The following ST3GAL3 variants were observed in gnomAD, a reference collection of about 807,000 sequenced individuals.
ST3GAL3 encodes CMP-N-acetylneuraminate-beta-1,4-galactoside alpha-2,3-sialyltransferase.
ST3GAL3 carries 21 observed loss-of-function variants against 50.1 expected under a neutral mutation model. That is an observed-to-expected ratio of 0.42 (90% CI 0.30 to 0.60). The LOEUF is 0.60. Among genes scored for constraint, ST3GAL3 ranks in the 20% least tolerant of loss-of-function variants. ST3GAL3 has a pLI of 0.19. For synonymous variants in ST3GAL3, 183 were observed against 190.0 expected, an observed-to-expected ratio of 0.96 and a Z score of 0.30; for missense variants, 353 against 489.4, an observed-to-expected ratio of 0.72 and a Z score of 2.63.
intron 4 of ST3GAL3, among the ~76,000 whole-genome samples, chr1:43,825,469 T>C (rs1251715392): frequency 6.6e-6 from 1 of 152,234 alleles, no homozygotes; most frequent in East Asian, 1.9e-4. Flanking sequence ...GAACTTCCTA[T>C]ACATTATATT....
chr1:43,824,366 A>G (rs1178619325), intron 4 of ST3GAL3, among the ~76,000 whole-genome samples: 1 of 151,330 alleles, frequency 6.6e-6, no homozygotes, highest in Non-Finnish European at 1.5e-5. Flanking sequence ...AATGCCTTAA[A>G]AAAAAAAAAA....
intron 3 of ST3GAL3, among the ~76,000 whole-genome samples, chr1:43,813,887 A>G (rs868032774): frequency 0.016 from 655 of 39,782 alleles, 8 homozygotes; most frequent in African/African-American, 0.018. Flanking sequence ...ACACACACAC[A>G]CACACACGCA....
chr1:43,863,672 G>T (rs1006035389), intron 5 of ST3GAL3, among the ~76,000 whole-genome samples: 7 of 152,160 alleles, frequency 4.6e-5, no homozygotes, highest in African/African-American at 1.7e-4. Context: ...CCCTAAAATG[G>T]GGCCTGTCTG....
intron 9 of ST3GAL3, chr1:43,913,816 T>C (rs2154289021): frequency 6.6e-6 from 1 of 152,262 alleles, no homozygotes; most frequent in South Asian, 2.1e-4. Flanking sequence ...AACATGACTC[T>C]CAGCCGCTGC....
At chr1:43,833,673 GTC>G (rs2063845655) in intron 4 of ST3GAL3, among the ~76,000 whole-genome samples, 1 of 152,108 alleles carries the variant, frequency 6.6e-6, no homozygotes, top group African/African-American at 2.4e-5. Context: ...TGACTCTATT[GTC>G]TCTAAATATT....
At chr1:43,771,099 GT>G (rs1466412668) in intron 2 of ST3GAL3, among the ~76,000 whole-genome samples, 1 of 152,058 alleles carries the variant, frequency 6.6e-6, no homozygotes, top group Non-Finnish European at 1.5e-5. Flanking sequence ...GAATTCTTTT[GT>G]CCCTCATCAG....
intron 11 of ST3GAL3, chr1:43,921,919 C>T (rs944311662): frequency 2.3e-5 from 9 of 396,998 alleles, no homozygotes; most frequent in African/African-American, 1.2e-4. Flanking sequence ...GTGGACACAA[C>T]GTCATCTTTC....
At chr1:43,925,815 G>T (rs771569340) in intron 11 of ST3GAL3, among the ~76,000 whole-genome samples, 31 of 152,356 alleles carry the variant, frequency 2.0e-4, no homozygotes, top group Non-Finnish European at 4.1e-4. Flanking sequence ...GAGGCCAAAG[G>T]AGCAGCATTC....
chr1:43,759,058 A>AGCGCGCGC (rs550891277), intron 2 of ST3GAL3, among the ~76,000 whole-genome samples: 2 of 113,732 alleles, frequency 1.8e-5, no homozygotes, highest in East Asian at 3.4e-4. Context: ...AACAAACAAA[A>AGCGCGCGC]GCGCGCGCAC....
At chr1:43,903,584 G>A (rs181934151) in intron 9 of ST3GAL3, among the ~76,000 whole-genome samples, 178 of 152,338 alleles carry the variant, frequency 1.2e-3, no homozygotes, top group African/African-American at 4.1e-3. Flanking sequence ...AGGGGGAAGA[G>A]AGAGGACAGG....
chr1:43,842,955 C>T (rs142680561), intron 5 of ST3GAL3, among the ~76,000 whole-genome samples: 109 of 152,168 alleles, frequency 7.2e-4, no homozygotes, highest in African/African-American at 2.6e-3. Context: ...TCCTTCTGGA[C>T]TCCCTAGTCT....
At chr1:43,914,667 C>T (rs2081492353) in intron 9 of ST3GAL3, 1 of 152,380 alleles carries the variant, frequency 6.6e-6, no homozygotes, top group Non-Finnish European at 1.5e-5. Context: ...CACACAGGCC[C>T]CCAGCTGTGC....
chr1:43,917,649 A>T (rs12410000), intron 9 of ST3GAL3, among the ~76,000 whole-genome samples: 24 of 68,542 alleles, frequency 3.5e-4, no homozygotes, highest in South Asian at 1.7e-3. Flanking sequence ...TATAATATAT[A>T]ATATAATATA....
At chr1:43,792,276 A>T in intron 3 of ST3GAL3, 127 bp downstream of exon 3, 1 of 1,241,010 alleles carries the variant, frequency 8.1e-7, no homozygotes, top group South Asian at 1.2e-5. Context: ...GGAAGTCTCA[A>T]GAAGCCTTTC....
chr1:43,729,089 C>CTTTTTT (rs71914132), intron 1 of ST3GAL3, among the ~76,000 whole-genome samples: 6 of 117,436 alleles, frequency 5.1e-5, no homozygotes, highest in Admixed American at 8.9e-5. Context: ...AATTATTTTT[C>CTTTTTT]TTTTTTTTTT....
intron 4 of ST3GAL3, among the ~76,000 whole-genome samples, chr1:43,837,839 C>A (rs1483904529): frequency 6.6e-6 from 1 of 152,134 alleles, no homozygotes; most frequent in Admixed American, 6.5e-5. Flanking sequence ...AGTTAAGTTC[C>A]TTTTACAGAT....
At chr1:43,715,175 A>C (rs1285068338) in intron 1 of ST3GAL3, among the ~76,000 whole-genome samples, 2 of 152,156 alleles carry the variant, frequency 1.3e-5, no homozygotes, top group Non-Finnish European at 2.9e-5. Context: ...GATTCCCTTA[A>C]AGTTTAAAAA....
At chr1:43,708,340 C>T (rs1480080522) in intron 1 of ST3GAL3, among the ~76,000 whole-genome samples, 1 of 152,152 alleles carries the variant, frequency 6.6e-6, no homozygotes, top group East Asian at 1.9e-4. Flanking sequence ...TTTATGTTTC[C>T]TTCACGTATG....
chr1:43,780,629 G>C (rs1385781076), intron 2 of ST3GAL3, among the ~76,000 whole-genome samples: 2 of 145,724 alleles, frequency 1.4e-5, no homozygotes, highest in East Asian at 3.9e-4. Flanking sequence ...GTTCTATATT[G>C]TGAGAAATTT....
Sources: allele counts gnomAD v4.1 joint callset (sites outside exome capture counted in the v4.1 genomes callset), GRCh38; gene constraint gnomAD v4.1.1; transcripts MANE v1.5; gene names NCBI Gene and HGNC (gene_info 2026-07-23, HGNC 2026-07-21).